THSD4: variants seen among roughly 807,000 people sequenced by gnomAD.
The protein encoded by THSD4 is thrombospondin type-1 domain-containing protein 4.
Under a neutral mutation model 119.0 loss-of-function variants are expected in THSD4, and 69 were observed. That is an observed-to-expected ratio of 0.58 (90% CI 0.48 to 0.71). THSD4 has a LOEUF of 0.71. THSD4 is among the 30% of genes least tolerant of loss of function. THSD4 has a pLI of 0.00. For synonymous variants in THSD4, 524 were observed against 540.4 expected (o/e 0.97, Z 0.42); for missense variants, 1,393 against 1,391.1 (o/e 1.00, Z -0.02).
At chr15:71,167,438 C>T (rs544351728) in intron 3 of THSD4, among the ~76,000 whole-genome samples, 3 of 152,334 alleles carry the variant, frequency 2.0e-5, no homozygotes, top group South Asian at 4.1e-4. Context: ...AGTTTGCCAA[C>T]TCTTGCTCTA....
At chr15:71,204,325 G>A (rs543840495) in intron 3 of THSD4, among the ~76,000 whole-genome samples, 1 of 152,272 alleles carries the variant, frequency 6.6e-6, no homozygotes, top group African/African-American at 2.4e-5. Flanking sequence ...AGTTTTGGCT[G>A]GGCCCTGCTT....
At chr15:71,474,103 C>T (rs751082750) in intron 7 of THSD4, among the ~76,000 whole-genome samples, 1 of 152,194 alleles carries the variant, frequency 6.6e-6, no homozygotes, top group Non-Finnish European at 1.5e-5. Flanking sequence ...CTAGTCTGCT[C>T]CCCAGAGGCA....
In THSD4 at chr15:71,365,545, C is replaced by T. The variant is rs185969180; in HGVS notation, c.1016-46142C>T. On this transcript the variant is annotated intron_variant, in intron 6 of 17. Transcript: ENST00000261862. The stretch of plus-strand genomic sequence containing the variant: ...GACGCTTTGTAAAAATACAGTGGGG[C>T]GGTGTGGGGGACAAGGAAGAGGTTT... Among the ~76,000 whole-genome samples the T allele has an allele frequency of 6.6e-5, 10 of 152,104 alleles. No homozygotes were observed. In the East Asian group the frequency reaches 1.7e-3, roughly 27 times the overall value.
At chr15:71,193,358 CA>C (rs1473169784) in intron 3 of THSD4, among the ~76,000 whole-genome samples, 4 of 152,140 alleles carry the variant, frequency 2.6e-5, no homozygotes, top group Non-Finnish European at 5.9e-5. Context: ...TAAACTTGAA[CA>C]GAACAAGATT....
intron 6 of THSD4, among the ~76,000 whole-genome samples, chr15:71,371,945 T>C (rs774924504): frequency 2.5e-4 from 38 of 152,246 alleles, no homozygotes; most frequent in Admixed American, 3.3e-4. Context: ...TCTTTTCACA[T>C]AGTCCCATAT....
chr15:71,217,763 A>G (rs2043946422), intron 4 of THSD4, among the ~76,000 whole-genome samples: 1 of 151,818 alleles, frequency 6.6e-6, no homozygotes, highest in African/African-American at 2.4e-5. Context: ...GGTTTATTAA[A>G]TATCCATCCT....
chr15:71,558,609 C>T (rs1431420217), intron 7 of THSD4, among the ~76,000 whole-genome samples: 1 of 152,078 alleles, frequency 6.6e-6, no homozygotes, highest in Non-Finnish European at 1.5e-5. Flanking sequence ...GCTGGGACCA[C>T]AGATGCATGC....
intron 8 of THSD4, among the ~76,000 whole-genome samples, chr15:71,722,540 T>G (rs757688690): frequency 8.5e-5 from 13 of 152,198 alleles, no homozygotes; most frequent in Non-Finnish European, 1.6e-4. Context: ...AATAAAATCG[T>G]GGCCAGAACC....
chr15:71,308,439 T>A (rs934752866), intron 6 of THSD4, among the ~76,000 whole-genome samples: 49 of 152,328 alleles, frequency 3.2e-4, no homozygotes, highest in African/African-American at 8.7e-4. Context: ...ATATTTGGGC[T>A]TGGTTTGAAA....
chr15:71,371,332 T>A (rs8033608), intron 6 of THSD4, among the ~76,000 whole-genome samples: 5 of 152,042 alleles, frequency 3.3e-5, no homozygotes, highest in Admixed American at 1.3e-4. Flanking sequence ...TGATGTTAGC[T>A]GGTTATTTTG....
chr15:71,311,280 C>T (rs971404160), intron 6 of THSD4, among the ~76,000 whole-genome samples: 24 of 152,200 alleles, frequency 1.6e-4, no homozygotes, highest in African/African-American at 5.8e-4. Context: ...GCCACCTCTA[C>T]TTATATTGCA....
chr15:71,631,436 T>TA (rs2050627113), intron 7 of THSD4, among the ~76,000 whole-genome samples: 1 of 152,130 alleles, frequency 6.6e-6, no homozygotes, highest in Non-Finnish European at 1.5e-5. Flanking sequence ...CCTCACTAAG[T>TA]CTCTGTGTTT....
chr15:71,684,354 TACTC>T (rs1323713519), intron 8 of THSD4, among the ~76,000 whole-genome samples: 2 of 152,156 alleles, frequency 1.3e-5, no homozygotes, highest in Non-Finnish European at 2.9e-5. Context: ...CAATAGTAAT[TACTC>T]TGAATAGCAG....
chr15:71,619,479 C>T (rs1008918504), intron 7 of THSD4, among the ~76,000 whole-genome samples: 1 of 152,144 alleles, frequency 6.6e-6, no homozygotes, highest in Non-Finnish European at 1.5e-5. Flanking sequence ...GGGAGAGTTA[C>T]GTTTGAGCAA....
At chr15:71,396,972 G>A (rs1401096707) in intron 6 of THSD4, among the ~76,000 whole-genome samples, 3 of 152,212 alleles carry the variant, frequency 2.0e-5, no homozygotes, top group Non-Finnish European at 4.4e-5. Flanking sequence ...CTACGAACAG[G>A]AAGCTACTGC....
At chr15:71,399,576 G>A (rs533995347) in intron 6 of THSD4, among the ~76,000 whole-genome samples, 2 of 152,178 alleles carry the variant, frequency 1.3e-5, no homozygotes, top group African/African-American at 4.8e-5. Flanking sequence ...CAATTTTTAT[G>A]TTAGCTATGG....
intron 6 of THSD4, among the ~76,000 whole-genome samples, chr15:71,404,720 G>A (rs567174594): frequency 1.5e-3 from 223 of 152,236 alleles, no homozygotes; most frequent in Non-Finnish European, 2.8e-3. Flanking sequence ...TCTGATATGC[G>A]AGGATAACAG....
chr15:71,718,931 T>C (rs1486781593), intron 8 of THSD4, among the ~76,000 whole-genome samples: 2 of 152,194 alleles, frequency 1.3e-5, no homozygotes, highest in African/African-American at 4.8e-5. Context: ...GCTCCCAAAG[T>C]CATGAGCTGT....
chr15:71,639,888 C>T (rs2050822381), intron 7 of THSD4, among the ~76,000 whole-genome samples: 1 of 151,308 alleles, frequency 6.6e-6, no homozygotes, highest in Non-Finnish European at 1.5e-5. Flanking sequence ...AAATATGTTA[C>T]TCCTGTTAAT....
Sources: allele counts gnomAD v4.1 joint callset (sites outside exome capture counted in the v4.1 genomes callset), GRCh38; gene constraint gnomAD v4.1.1; transcripts MANE v1.5; gene names NCBI Gene and HGNC (gene_info 2026-07-23, HGNC 2026-07-21).